UBE2E2: variants seen among roughly 807,000 people sequenced by gnomAD.
The protein encoded by UBE2E2 is ubiquitin-conjugating enzyme E2 E2.
Under a neutral mutation model 24.7 loss-of-function variants are expected in UBE2E2, and 6 were observed. The ratio of observed to expected loss-of-function variants is 0.24; its 90% CI spans 0.13 to 0.48. The LOEUF is 0.48. Among genes scored for constraint, UBE2E2 ranks in the 20% least tolerant of loss-of-function variants. The pLI is 0.99. For synonymous variants in UBE2E2, 104 were observed against 83.6 expected, an observed-to-expected ratio of 1.24 and a Z score of -1.33; for missense variants, 169 against 245.0, an observed-to-expected ratio of 0.69 and a Z score of 2.07.
At chr3:23,576,303 G>A (rs922626674) in intron 5 of UBE2E2, among the ~76,000 whole-genome samples, 2 of 152,080 alleles carry the variant, frequency 1.3e-5, no homozygotes, top group Admixed American at 6.6e-5. Context: ...GGAGCGAAAA[G>A]AATAACATTA....
intron 5 of UBE2E2, among the ~76,000 whole-genome samples, chr3:23,584,202 C>T (rs927599579): frequency 4.6e-5 from 7 of 152,214 alleles, no homozygotes; most frequent in Middle Eastern, 3.4e-3. Flanking sequence ...GTTGTTTATG[C>T]AATGAATCAC....
chr3:23,342,646 G>A (rs1309732411), intron 3 of UBE2E2, among the ~76,000 whole-genome samples: 5 of 152,076 alleles, frequency 3.3e-5, no homozygotes, highest in Admixed American at 1.3e-4. Flanking sequence ...TTATTCGTAT[G>A]TGTATATTTA....
intron 3 of UBE2E2, among the ~76,000 whole-genome samples, chr3:23,354,692 C>T (rs528368193): frequency 6.6e-6 from 1 of 152,246 alleles, no homozygotes; most frequent in South Asian, 2.1e-4. Flanking sequence ...CCATCTCACA[C>T]CAGTTAGAAT....
chr3:23,278,488 G>A (rs548254660), intron 3 of UBE2E2, among the ~76,000 whole-genome samples: 2 of 152,084 alleles, frequency 1.3e-5, no homozygotes, highest in Admixed American at 1.3e-4. Flanking sequence ...TCTTGCATAA[G>A]AGTAAAAATA....
rs1193477834 is a variant in UBE2E2 at position 23,280,801 on chromosome 3, C to T, written c.227+63489C>T. 6.6e-6 allele frequency among the ~76,000 whole-genome samples: 1 copy of T among 152,158 alleles called. No individual in the cohort carries two copies. The highest frequency in any genetic ancestry group is 1.5e-5 in the Non-Finnish European group (1 of 68,038). On this transcript the variant is annotated intron_variant, in intron 3 of 5. Coordinates refer to ENST00000396703, the MANE Select transcript of UBE2E2 (RefSeq NM_152653.4). This position sits in a 1 kb window ranked among gnomAD's most constrained non-coding sequence, Gnocchi z 4.3. ...TTCTGCTTTTTTCCATGAATGTTGC[C>T]TTCTCTCGTGTTTCACATTCAGAAT...
intron 3 of UBE2E2, among the ~76,000 whole-genome samples, chr3:23,228,455 A>T (rs547041767): frequency 6.7e-4 from 102 of 152,310 alleles, no homozygotes; most frequent in African/African-American, 2.5e-3. Context: ...AACATGTAAT[A>T]TTTTAATTCC....
chr3:23,350,462 A>G (rs1053887404), intron 3 of UBE2E2, among the ~76,000 whole-genome samples: 1 of 152,204 alleles, frequency 6.6e-6, no homozygotes, highest in African/African-American at 2.4e-5. Flanking sequence ...AATTCAAACC[A>G]AAGGCAAAGA....
chr3:23,341,671 A>G (rs991693621), intron 3 of UBE2E2, among the ~76,000 whole-genome samples: 3 of 152,034 alleles, frequency 2.0e-5, no homozygotes, highest in African/African-American at 7.2e-5. Context: ...CTAAAGCATA[A>G]TCATTTCCCC....
intron 3 of UBE2E2, among the ~76,000 whole-genome samples, chr3:23,274,240 C>T (rs935040038): frequency 4.0e-4 from 61 of 152,138 alleles, no homozygotes; most frequent in African/African-American, 1.4e-3. Flanking sequence ...TTATGAAACT[C>T]ATATTGTTGA....
intron 5 of UBE2E2, among the ~76,000 whole-genome samples, chr3:23,568,852 G>A (rs1044655340): frequency 6.6e-6 from 1 of 151,584 alleles, no homozygotes; most frequent in Non-Finnish European, 1.5e-5. Context: ...ACAAGTATTG[G>A]TGAGGAAGTG....
At chr3:23,529,667 T>C (rs927581437) in intron 4 of UBE2E2, among the ~76,000 whole-genome samples, 2 of 152,208 alleles carry the variant, frequency 1.3e-5, no homozygotes, top group African/African-American at 4.8e-5. Context: ...GGGTTAATTA[T>C]CAATATTATG....
At chr3:23,335,159 C>G (rs1695167352) in intron 3 of UBE2E2, among the ~76,000 whole-genome samples, 1 of 151,922 alleles carries the variant, frequency 6.6e-6, no homozygotes, top group Non-Finnish European at 1.5e-5. Context: ...AATATATTTC[C>G]TTAAATATTT....
chr3:23,473,429 A>T (rs1055880619), intron 3 of UBE2E2, among the ~76,000 whole-genome samples: 3 of 151,546 alleles, frequency 2.0e-5, no homozygotes, highest in African/African-American at 4.9e-5. Flanking sequence ...AAGTGAAAAA[A>T]ATTTTTTTGT....
chr3:23,589,574 G>C lies in UBE2E2; in HGVS notation c.509-160G>C, dbSNP rs1696713459. On this transcript the variant is annotated intron_variant, in intron 5 of 5. Coordinates refer to ENST00000396703, the MANE Select transcript of UBE2E2 (RefSeq NM_152653.4). The surrounding 1 kb of genome is among the most constrained non-coding windows in gnomAD (Gnocchi z 4.1). ...CTTGGGGCAGCTGGTGTGAAATGTA[G>C]TCTGTCAGCAGCAGGTGACTGGCTC... 6.6e-6 allele frequency among the ~76,000 whole-genome samples: 1 copy of C among 152,200 alleles called. No homozygotes were observed. Among genetic ancestry groups the C allele is most frequent in the Admixed American group, 6.5e-5 (1 of 15,282 alleles).
At chr3:23,254,603 T>C (rs1156482852) in intron 3 of UBE2E2, among the ~76,000 whole-genome samples, 2 of 152,230 alleles carry the variant, frequency 1.3e-5, no homozygotes, top group African/African-American at 4.8e-5. Context: ...TCTGGCTTCA[T>C]TGAAATTCCT....
chr3:23,228,161 A>G (rs1452592162), intron 3 of UBE2E2, among the ~76,000 whole-genome samples: 2 of 152,220 alleles, frequency 1.3e-5, no homozygotes, highest in African/African-American at 4.8e-5. Context: ...GCCTTTAATC[A>G]TAGCTTTAAA....
intron 3 of UBE2E2, among the ~76,000 whole-genome samples, chr3:23,219,111 T>C (rs1040550676): frequency 1.3e-5 from 2 of 152,184 alleles, no homozygotes; most frequent in African/African-American, 4.8e-5. Context: ...GGGCTGAGGA[T>C]TGGATAGCTG....
intron 3 of UBE2E2, among the ~76,000 whole-genome samples, chr3:23,404,951 CA>C (rs1697319823): frequency 6.6e-6 from 1 of 152,178 alleles, no homozygotes; most frequent in South Asian, 2.1e-4. Flanking sequence ...TCAGTTCAGC[CA>C]CTTCGTTAGC....
Position 23,499,636 on chromosome 3 carries a change from G to T in UBE2E2, c.256G>T (p.Glu86Ter). 1.2e-6 allele frequency: 2 copies of T among 1,613,678 alleles called. No homozygotes were observed. Among genetic ancestry groups the T allele is most frequent in the Non-Finnish European group, 1.7e-6 (2 of 1,179,792 alleles). Residue 86 changes from glutamate to a stop codon, truncating the protein, a stop_gained, in exon 4 of 6, where the codon GAA becomes TAA. Coordinates refer to ENST00000396703, the MANE Select transcript of UBE2E2 (RefSeq NM_152653.4). LOFTEE classifies it high-confidence loss of function. Reference protein sequence around the residue: ...SAGPKGDNIYEWRSTILGPPG... With the variant: ...SAGPKGDNIY ...TGGACCCAAAGGAGACAACATTTAT[G>T]AATGGAGGTCAACTATATTGGGACC...
Sources: allele counts gnomAD v4.1 joint callset (sites outside exome capture counted in the v4.1 genomes callset), GRCh38; gene constraint gnomAD v4.1.1; non-coding constraint Gnocchi (gnomAD v3.1); transcripts MANE v1.5; gene names NCBI Gene and HGNC (gene_info 2026-07-23, HGNC 2026-07-21).